Variants in SLC35F3 observed in about 807,000 individuals in gnomAD.
The protein encoded by SLC35F3 is putative thiamine transporter SLC35F3.
SLC35F3 carries 25 observed loss-of-function variants against 49.9 expected under a neutral mutation model. The observed-to-expected ratio is 0.50, with a 90% CI of 0.37 to 0.70. SLC35F3 has a LOEUF of 0.70. SLC35F3 is among the 30% of genes least tolerant of loss of function. The probability of loss-of-function intolerance (pLI) is 0.00; values close to 1 mark genes in which losing one functional copy is unlikely to be tolerated. For missense variants in SLC35F3, 525 were observed against 639.8 expected, an observed-to-expected ratio of 0.82 and a Z score of 1.94; for synonymous variants, 275 against 265.4, an observed-to-expected ratio of 1.04 and a Z score of -0.35.
chr1:234,316,833 T>C (rs2102997549), intron 5 of SLC35F3, 106 bp downstream of exon 5: 2 of 1,394,474 alleles, frequency 1.4e-6, no homozygotes, highest in South Asian at 2.8e-5. Context: ...TGATGATACC[T>C]GTGCTTCAGG....
chr1:234,134,621 A>G (rs1665783358), intron 2 of SLC35F3, among the ~76,000 whole-genome samples: 1 of 152,164 alleles, frequency 6.6e-6, no homozygotes, highest in Non-Finnish European at 1.5e-5. Flanking sequence ...GCACATTAAA[A>G]TCAACCAGAA....
chr1:234,080,159 T>G (rs910635251), intron 2 of SLC35F3, among the ~76,000 whole-genome samples: 1 of 152,152 alleles, frequency 6.6e-6, no homozygotes, highest in Non-Finnish European at 1.5e-5. Context: ...GCTAATGATT[T>G]AATCACCCCT....
intron 2 of SLC35F3, among the ~76,000 whole-genome samples, chr1:233,928,572 A>G (rs1413774099): frequency 6.6e-6 from 1 of 152,152 alleles, no homozygotes; most frequent in Admixed American, 6.6e-5. Flanking sequence ...TGACAGTTCT[A>G]GTTCAGATAG....
At chr1:234,090,810 G>A (rs1211010024) in intron 2 of SLC35F3, among the ~76,000 whole-genome samples, 1 of 152,142 alleles carries the variant, frequency 6.6e-6, no homozygotes, top group Non-Finnish European at 1.5e-5. Flanking sequence ...ATAAGCACCT[G>A]TTAAGTCAAT....
chr1:234,009,338 A>G (rs1663678292), intron 2 of SLC35F3, among the ~76,000 whole-genome samples: 1 of 152,214 alleles, frequency 6.6e-6, no homozygotes, highest in South Asian at 2.1e-4. Flanking sequence ...ATTTCTTATC[A>G]ATTTATTTCA....
intron 2 of SLC35F3, among the ~76,000 whole-genome samples, chr1:234,173,732 A>C (rs2102920156): frequency 6.6e-6 from 1 of 152,344 alleles, no homozygotes. Flanking sequence ...TTGCAGTGGG[A>C]CATTCTGACC....
Position 233,938,562 on chromosome 1 carries a change from A to G in SLC35F3, c.283+32804A>G, listed in dbSNP as rs1662369650. Among the ~76,000 whole-genome samples the G allele has an allele frequency of 2.6e-5, 4 of 151,796 alleles. No individual in the cohort carries two copies. The South Asian group carries it at 8.3e-4, about 31-fold the overall frequency. On this transcript the variant is annotated intron_variant, in intron 2 of 7. Coordinates refer to ENST00000366618, the MANE Select transcript of SLC35F3 (RefSeq NM_173508.4). ...ACAAGGGTCATTATACCTAAGGAAA[A>G]AGGTAATTATACCTAAGGTCAGTGA...
intron 2 of SLC35F3, among the ~76,000 whole-genome samples, chr1:234,159,481 G>T (rs1183694869): frequency 6.6e-6 from 1 of 152,036 alleles, no homozygotes; most frequent in Non-Finnish European, 1.5e-5. Context: ...GGAGGCTGAG[G>T]CGGGAGAATC....
intron 2 of SLC35F3, among the ~76,000 whole-genome samples, chr1:234,119,830 A>C (rs1665546405): frequency 6.6e-6 from 1 of 152,258 alleles, no homozygotes; most frequent in South Asian, 2.1e-4. Flanking sequence ...GACTTCCATC[A>C]CGCAGCAATA....
Position 234,184,643 on chromosome 1 carries a change from G to C in SLC35F3, c.284-46774G>C, listed in dbSNP as rs540969009. Among the ~76,000 whole-genome samples the C allele has an allele frequency of 6.6e-5, 10 of 152,272 alleles. No homozygotes were observed. The South Asian group carries it at 2.1e-3, about 32-fold the overall frequency. On this transcript the variant is annotated intron_variant, in intron 2 of 7. Coordinates refer to ENST00000366618, the MANE Select transcript of SLC35F3 (RefSeq NM_173508.4). ...TGGGAGGAGTGTGGAGCCCATCCTG[G>C]CTCTGGGATGACCAAAGGCCAGCAC... is the stretch of plus-strand genomic sequence containing the variant.
At chr1:234,193,943 AT>A (rs1424543255) in intron 2 of SLC35F3, among the ~76,000 whole-genome samples, 4 of 152,248 alleles carry the variant, frequency 2.6e-5, no homozygotes, top group African/African-American at 9.6e-5. Flanking sequence ...AAAGCAAAAA[AT>A]AATAGATGTT....
At chr1:234,116,487 AC>A (rs1052785114) in intron 2 of SLC35F3, among the ~76,000 whole-genome samples, 3 of 34,358 alleles carry the variant, frequency 8.7e-5, no homozygotes, top group East Asian at 2.9e-3. Flanking sequence ...CCTCCCTCCC[AC>A]CCCCCATTAT....
chr1:234,073,468 C>T (rs1167447032), intron 2 of SLC35F3, among the ~76,000 whole-genome samples: 1 of 152,152 alleles, frequency 6.6e-6, no homozygotes, highest in African/African-American at 2.4e-5. Flanking sequence ...TTCTTGAGTC[C>T]TTCCATAAGC....
chr1:234,004,746 A>G (rs1197065927), intron 2 of SLC35F3, among the ~76,000 whole-genome samples: 1 of 152,164 alleles, frequency 6.6e-6, no homozygotes, highest in Non-Finnish European at 1.5e-5. Context: ...AAGGGAAAAT[A>G]GCTTTTCTTG....
At chr1:234,300,912 G>A (rs544592811) in intron 3 of SLC35F3, among the ~76,000 whole-genome samples, 1 of 152,356 alleles carries the variant, frequency 6.6e-6, no homozygotes, top group Non-Finnish European at 1.5e-5. Flanking sequence ...CTGACCATGA[G>A]AATAAAATAT....
chr1:234,061,866 ATCTTTATCTTT>A (rs60286451), intron 2 of SLC35F3, among the ~76,000 whole-genome samples: 2,863 of 152,274 alleles, frequency 0.019, 95 homozygotes, highest in African/African-American at 0.066. Context: ...TTGTCATCAT[ATCTTTATCTTT>A]TAAAACATGG....
At chr1:234,296,641 G>A (rs1668597037) in intron 3 of SLC35F3, among the ~76,000 whole-genome samples, 1 of 152,202 alleles carries the variant, frequency 6.6e-6, no homozygotes, top group Non-Finnish European at 1.5e-5. Flanking sequence ...CTAGCAAGTT[G>A]GCCAGGGGCC....
intron 2 of SLC35F3, among the ~76,000 whole-genome samples, chr1:233,912,339 A>G (rs1015697772): frequency 6.6e-5 from 10 of 151,988 alleles, no homozygotes; most frequent in Non-Finnish European, 1.5e-4. Context: ...TTAGACCGGC[A>G]TGGTGGTGGG....
At chr1:234,289,979 A>C (rs554310191) in intron 3 of SLC35F3, among the ~76,000 whole-genome samples, 1 of 152,340 alleles carries the variant, frequency 6.6e-6, no homozygotes, top group Non-Finnish European at 1.5e-5. Context: ...TCAAAGAAAG[A>C]AGAGGGCATT....
Sources: allele counts gnomAD v4.1 joint callset (sites outside exome capture counted in the v4.1 genomes callset), GRCh38; gene constraint gnomAD v4.1.1; transcripts MANE v1.5; gene names NCBI Gene and HGNC (gene_info 2026-07-23, HGNC 2026-07-21).